The following IGSF10 variants were observed in gnomAD, a reference collection of about 807,000 sequenced individuals.
IGSF10 encodes calvaria mechanical force protein 608.
Under a neutral mutation model 128.2 loss-of-function variants are expected in IGSF10, and 126 were observed. The observed-to-expected ratio is 0.98, with a 90% CI of 0.85 to 1.14. The LOEUF (loss-of-function observed/expected upper bound fraction) is 1.14. Ranked by LOEUF, IGSF10 falls within the 50% of genes most tolerant of loss-of-function variation. The pLI is 0.00. For synonymous variants in IGSF10, 1,185 were observed against 1,146.2 expected (o/e 1.03, Z -0.68); for missense variants, 3,295 against 3,149.8 (o/e 1.05, Z -1.10).
rs1560176516 is a variant in IGSF10 at position 151,446,161 on chromosome 3, T to C, written c.3820A>G (p.Thr1274Ala). The C allele has an allele frequency of 1.2e-6, 2 of 1,614,120 alleles. No individual in the cohort carries two copies. Among genetic ancestry groups the C allele is most frequent in the East Asian group, 2.2e-5 (1 of 44,878 alleles). Residue 1274 changes from threonine to alanine, a missense_variant, in exon 6 of 8, where the codon ACG becomes GCG. Transcript: ENST00000282466. ...CTTCCAGGATTGTGTGTTTTGGTCG[T>C]AGTGTGGTGAGCGGTAGTCAAGGTA... Reference protein sequence around the residue: ...SNTLTTAHHTTTKTHNPGSLP... With the variant: ...SNTLTTAHHTATKTHNPGSLP...
chr3:151,436,799 C>T lies in IGSF10; in HGVS notation c.7762G>A (p.Gly2588Ser), dbSNP rs865921240. Residue 2588 changes from glycine (G) to serine (S), a missense_variant, in exon 8 of 8, where the codon GGT (glycine) becomes AGT (serine). Transcript: ENST00000282466. Reference sequence around the variant, plus strand: ...TGGGGATTCTGAATGACTAGGGTACCTTGTAAGTGAAGCTGCTCACTTCCA... The same window carrying T: ...TGGGGATTCTGAATGACTAGGGTACTTTGTAAGTGAAGCTGCTCACTTCCA... The part of the protein sequence containing the change: ...THGSEQLHLQ[G>S]TLVIQNPQTS... 4 of 1,614,150 alleles carry T rather than the reference C, an allele frequency of 2.5e-6. No individual in the cohort carries two copies. The African/African-American group carries it at 5.3e-5, about 22-fold the overall frequency.
chr3:151,432,973 C>A, downstream of IGSF10: 1 of 551,100 alleles, frequency 1.8e-6, no homozygotes, highest in Non-Finnish European at 3.1e-6. Flanking sequence ...AACAAAAAGC[C>A]AAGGAGAAGT....
Position 151,443,210 on chromosome 3 carries a change from C to A in IGSF10, c.5737G>T (p.Gly1913Cys), listed in dbSNP as rs368549879. Residue 1913 changes from glycine to cysteine, a missense_variant, in exon 7 of 8, where the codon GGC (glycine) becomes TGC (cysteine). Coordinates refer to ENST00000282466, the MANE Select transcript of IGSF10 (RefSeq NM_178822.5). The stretch of plus-strand genomic sequence containing the variant: ...CTGGTAGCAATGCATTCATAAGTGC[C>A]CCTGTCTGAAGAGGCTAGGTTTCTT... The part of the protein sequence containing the change: ...YIRNLASSDR[G>C]TYECIATSST... 5 of 1,613,902 alleles carry A rather than the reference C, an allele frequency of 3.1e-6. No individual in the cohort carries two copies. The East Asian group carries it at 1.1e-4, about 36-fold the overall frequency.
the IGSF10 span, among the ~76,000 whole-genome samples, chr3:151,562,782 C>G: frequency 3.3e-5 from 5 of 152,016 alleles, no homozygotes; most frequent in Admixed American, 3.3e-4. Context: ...GCACCATGTC[C>G]AAGAGCCCAA....
the IGSF10 span, among the ~76,000 whole-genome samples, chr3:151,553,647 A>G: frequency 2.0e-5 from 3 of 151,290 alleles, no homozygotes; most frequent in Non-Finnish European, 4.4e-5. Context: ...TATATATACA[A>G]TATATATTTA....
At chr3:151,491,774 G>A in the IGSF10 span, among the ~76,000 whole-genome samples, 1 of 151,982 alleles carries the variant, frequency 6.6e-6, no homozygotes, top group Non-Finnish European at 1.5e-5. Context: ...TAGAGCCAGA[G>A]GGAATACTTC....
the IGSF10 span, among the ~76,000 whole-genome samples, chr3:151,518,583 T>C: frequency 9.2e-5 from 14 of 152,024 alleles, no homozygotes; most frequent in Admixed American, 5.2e-4. Flanking sequence ...ATCCCCTTTG[T>C]TGACAGAGAG....
the IGSF10 span, among the ~76,000 whole-genome samples, chr3:151,588,757 C>T: frequency 6.6e-6 from 1 of 152,250 alleles, no homozygotes; most frequent in African/African-American, 2.4e-5. Flanking sequence ...TAGTGAGGGA[C>T]ACAGACAGAC....
At chr3:151,591,343 A>T in the IGSF10 span, among the ~76,000 whole-genome samples, 1 of 148,106 alleles carries the variant, frequency 6.8e-6, no homozygotes, top group Non-Finnish European at 1.5e-5. Flanking sequence ...TGTAAAAAGC[A>T]TTAAAATTTT....
chr3:151,466,125 T>C, the IGSF10 span, among the ~76,000 whole-genome samples: 1,220 of 152,322 alleles, frequency 8.0e-3, 18 homozygotes, highest in African/African-American at 0.028. Flanking sequence ...GAATCGTTTT[T>C]TTCCTTGTTC....
the IGSF10 span, among the ~76,000 whole-genome samples, chr3:151,484,359 G>A: frequency 6.6e-6 from 1 of 152,196 alleles, no homozygotes; most frequent in African/African-American, 2.4e-5. Flanking sequence ...GGCGGGAGGG[G>A]CAGTTGTGGG....
Position 151,443,479 on chromosome 3 carries a change from C to G in IGSF10, c.5468G>C (p.Ser1823Thr), listed in dbSNP as rs1346278837. ...YDRGFYKCVA[S>T]NPGGQDSLLV... The stretch of plus-strand genomic sequence containing the variant: ...CAGTGAATCCTGGCCACCTGGGTTG[C>G]TGGCCACACATTTGTAAAAGCCACG... Residue 1823 changes from serine (S) to threonine (T), a missense_variant, in exon 7 of 8, where the codon AGC (serine) becomes ACC (threonine). By Grantham distance (58) the Ser-to-Thr change is moderately conservative. Transcript: ENST00000282466. 6.2e-7 allele frequency: 1 copy of G among 1,614,238 alleles called. No homozygotes were observed. Among genetic ancestry groups the G allele is most frequent in the Non-Finnish European group, 8.5e-7 (1 of 1,180,046 alleles).
the IGSF10 span, among the ~76,000 whole-genome samples, chr3:151,573,594 C>T: frequency 1.3e-5 from 2 of 152,170 alleles, no homozygotes; most frequent in South Asian, 2.1e-4. Flanking sequence ...GATCTTCCTC[C>T]ATTCCTTAAT....
At chr3:151,522,024 C>T in the IGSF10 span, among the ~76,000 whole-genome samples, 1 of 151,930 alleles carries the variant, frequency 6.6e-6, no homozygotes, top group East Asian at 1.9e-4. Context: ...AATGTTACCA[C>T]TGACCCCACA....
At chr3:151,560,583 T>C in the IGSF10 span, among the ~76,000 whole-genome samples, 1 of 152,102 alleles carries the variant, frequency 6.6e-6, no homozygotes, top group Non-Finnish European at 1.5e-5. Flanking sequence ...TTAGGCAAGA[T>C]GAATTAGAGC....
At chr3:151,523,799 T>G in the IGSF10 span, among the ~76,000 whole-genome samples, 2 of 152,048 alleles carry the variant, frequency 1.3e-5, no homozygotes, top group Non-Finnish European at 2.9e-5. Context: ...ATGCCAAAAT[T>G]TACAAGTGGG....
At chr3:151,460,849 G>A in intron 1 of IGSF10, 97 bp downstream of exon 1, 1 of 505,044 alleles carries the variant, frequency 2.0e-6, no homozygotes, top group South Asian at 9.0e-5. Context: ...CCCAGCGCCC[G>A]CTTCTGCAGC....
At position 151,460,309 on chromosome 3, in the gene IGSF10, C is replaced by T. The variant is rs1480671542; in HGVS notation, c.-50G>A. 1 of 983,388 alleles carries T rather than the reference C, an allele frequency of 1.0e-6. No homozygotes were observed. Among genetic ancestry groups the T allele is most frequent in the Non-Finnish European group, 1.2e-6 (1 of 828,216 alleles). The allele number at this position is 983,388 out of a possible 1,614,324, so 60.9% of individuals were successfully genotyped here. A position where few individuals can be genotyped will look rare whatever the true frequency, so the allele number is the denominator to read the frequency against. On this transcript the variant is annotated 5_prime_UTR_variant, in exon 2 of 8. Coordinates refer to ENST00000282466, the MANE Select transcript of IGSF10 (RefSeq NM_178822.5). ...AGTCCTCTTGTGACATAGGCAGAGA[C>T]AGAAAATCTTCCCAGGAAATGGAAA...
At chr3:151,532,997 CAT>C in the IGSF10 span, among the ~76,000 whole-genome samples, 25 of 152,092 alleles carry the variant, frequency 1.6e-4, no homozygotes, top group Non-Finnish European at 2.6e-4. Context: ...GTGCAAAAAT[CAT>C]AAGCATTCCT....
Sources: gnomAD v4.1 joint callset for allele counts (sites outside exome capture counted in the v4.1 genomes callset) on GRCh38, gnomAD v4.1.1 for gene constraint, MANE v1.5 for transcripts, NCBI Gene and HGNC (gene_info 2026-07-23, HGNC 2026-07-21) for gene names.